Variants in SH3D19 observed in about 807,000 individuals in gnomAD.
SH3D19 encodes the protein SH3 domain-containing protein 19.
SH3D19 carries 58 observed loss-of-function variants against 112.1 expected under a neutral mutation model. That is an observed-to-expected ratio of 0.52 (90% CI 0.42 to 0.64). The LOEUF (loss-of-function observed/expected upper bound fraction) is 0.64, where lower values mean the gene tolerates loss of function less well. SH3D19 is among the 30% of genes least tolerant of loss of function. The probability of loss-of-function intolerance (pLI) is 0.00; values close to 1 mark genes in which losing one functional copy is unlikely to be tolerated. For missense variants in SH3D19, 1,090 were observed against 1,263.4 expected, an observed-to-expected ratio of 0.86 and a Z score of 2.08; for synonymous variants, 391 against 448.5, an observed-to-expected ratio of 0.87 and a Z score of 1.62.
chr4:151,256,961 C>T (rs1019116453), intron 1 of SH3D19, among the ~76,000 whole-genome samples: 3 of 151,788 alleles, frequency 2.0e-5, no homozygotes, highest in Admixed American at 6.6e-5. Context: ...AGGTTGGTCT[C>T]GAATTCGTGG....
rs544504752 is a variant in SH3D19, at chr4:151,320,027, T to C, written c.112+5214A>G. ...TGTTTGTGAGCCTCAGTCTTTTCAA[T>C]GATAAAATGAAGAAAATAATACCTA... On this transcript the variant is annotated intron_variant, in intron 1 of 19. Coordinates refer to ENST00000604030, the MANE Select transcript of SH3D19 (RefSeq NM_001378122.1). Among the ~76,000 whole-genome samples, 25 of 152,288 alleles carry C rather than the reference T, an allele frequency of 1.6e-4. No individual in the cohort carries two copies. In the South Asian group the frequency reaches 1.9e-3, roughly 11 times the overall value.
At chr4:151,269,583 G>A (rs1385804729) in intron 1 of SH3D19, among the ~76,000 whole-genome samples, 1 of 152,020 alleles carries the variant, frequency 6.6e-6, no homozygotes, top group African/African-American at 2.4e-5. Flanking sequence ...TGGGTCTAAT[G>A]TTTAAGTCTT....
chr4:151,254,726 T>G (rs6826635), intron 1 of SH3D19, among the ~76,000 whole-genome samples: 52,380 of 148,400 alleles, frequency 0.35, 10,042 homozygotes, highest in Middle Eastern at 0.44. Context: ...TACTTCTTTC[T>G]ACACAGACAC....
intron 8 of SH3D19, among the ~76,000 whole-genome samples, chr4:151,162,411 GA>G (rs1757316386): frequency 6.6e-6 from 1 of 151,952 alleles, no homozygotes; most frequent in South Asian, 2.1e-4. Flanking sequence ...GGCTGGTCTC[GA>G]ACTCCTAGAA....
At chr4:151,296,436 C>CG (rs1775722458) in intron 1 of SH3D19, among the ~76,000 whole-genome samples, 2 of 152,134 alleles carry the variant, frequency 1.3e-5, no homozygotes, top group African/African-American at 2.4e-5. Context: ...GGGAGCCACT[C>CG]GGAGTTGGCA....
At chr4:151,137,995 C>A in intron 13 of SH3D19, 133 bp from the exon 14 acceptor site, 1 of 604,446 alleles carries the variant, frequency 1.7e-6, no homozygotes, top group Non-Finnish European at 2.5e-6. Context: ...TTATACTAAT[C>A]AAATTGACTT....
chr4:151,247,375 G>A (rs1352182346), intron 1 of SH3D19, among the ~76,000 whole-genome samples: 1 of 152,160 alleles, frequency 6.6e-6, no homozygotes, highest in Non-Finnish European at 1.5e-5. Flanking sequence ...CTGAAGGAGA[G>A]GGAAAGGAGG....
intron 1 of SH3D19, among the ~76,000 whole-genome samples, chr4:151,314,568 A>C (rs146224550): frequency 1.3e-5 from 2 of 152,356 alleles, no homozygotes; most frequent in African/African-American, 4.8e-5. Flanking sequence ...GGTATCTTAT[A>C]ACAAAATGTA....
chr4:151,201,699 TA>T (rs1407279753), intron 2 of SH3D19, among the ~76,000 whole-genome samples: 1 of 152,026 alleles, frequency 6.6e-6, no homozygotes, highest in Non-Finnish European at 1.5e-5. Flanking sequence ...GAGGGTAAAG[TA>T]TAATCAAACT....
intron 7 of SH3D19, 99 bp from the exon 8 acceptor site, chr4:151,165,795 G>A: frequency 1.0e-6 from 1 of 986,972 alleles, no homozygotes; most frequent in South Asian, 1.5e-5. Flanking sequence ...CATGCCCCTG[G>A]GGAAACTATT....
chr4:151,263,553 T>C (rs1772538879), intron 1 of SH3D19, among the ~76,000 whole-genome samples: 1 of 152,230 alleles, frequency 6.6e-6, no homozygotes, highest in Admixed American at 6.5e-5. Flanking sequence ...AGGACAGTTA[T>C]CTGGAAGACT....
intron 1 of SH3D19, among the ~76,000 whole-genome samples, chr4:151,256,215 G>C (rs1381415621): frequency 6.6e-6 from 1 of 152,182 alleles, no homozygotes; most frequent in East Asian, 1.9e-4. Flanking sequence ...CTAAATAGGG[G>C]GATATGAGAC....
chr4:151,301,905 T>C (rs919068339), intron 1 of SH3D19, among the ~76,000 whole-genome samples: 1 of 152,174 alleles, frequency 6.6e-6, no homozygotes, highest in African/African-American at 2.4e-5. Flanking sequence ...CTAGTGACTA[T>C]TATTTGCAAG....
At chr4:151,171,308 T>G (rs962162692) in intron 7 of SH3D19, among the ~76,000 whole-genome samples, 1 of 152,124 alleles carries the variant, frequency 6.6e-6, no homozygotes, top group South Asian at 2.1e-4. Flanking sequence ...TTCTCAGAGT[T>G]TGGTAATCTG....
intron 1 of SH3D19, among the ~76,000 whole-genome samples, chr4:151,302,630 A>G (rs1728544916): frequency 6.6e-6 from 1 of 152,256 alleles, no homozygotes; most frequent in Non-Finnish European, 1.5e-5. Context: ...AAACGACTAT[A>G]GACAATGAAA....
intron 1 of SH3D19, among the ~76,000 whole-genome samples, chr4:151,296,457 C>G (rs2126307059): frequency 6.6e-6 from 1 of 152,214 alleles, no homozygotes; most frequent in East Asian, 1.9e-4. Flanking sequence ...GGCGGCCACC[C>G]AGTGTACACT....
intron 1 of SH3D19, among the ~76,000 whole-genome samples, chr4:151,310,026 G>A (rs532266650): frequency 6.6e-6 from 1 of 151,838 alleles, no homozygotes; most frequent in Non-Finnish European, 1.5e-5. Flanking sequence ...GCTCATGCCT[G>A]TAATCCCAGC....
At chr4:151,299,580 CA>C (rs369585943) in intron 1 of SH3D19, among the ~76,000 whole-genome samples, 175 of 92,784 alleles carry the variant, frequency 1.9e-3, no homozygotes, top group African/African-American at 6.8e-3. Flanking sequence ...AACTCCGTCT[CA>C]AAAAAAAAAA....
chr4:151,180,456 G>C (rs1760698308), intron 3 of SH3D19, among the ~76,000 whole-genome samples: 1 of 145,082 alleles, frequency 6.9e-6, no homozygotes, highest in Admixed American at 7.0e-5. Context: ...GCCCAGGCTG[G>C]AGTGCAGTGG....
Sources: gnomAD v4.1 joint callset for allele counts (sites outside exome capture counted in the v4.1 genomes callset) on GRCh38, gnomAD v4.1.1 for gene constraint, MANE v1.5 for transcripts, NCBI Gene and HGNC (gene_info 2026-07-23, HGNC 2026-07-21) for gene names.